The following STIM2 variants were observed in gnomAD, a reference collection of about 807,000 sequenced individuals.
STIM2 encodes stromal interaction molecule 2.
STIM2 carries 31 observed loss-of-function variants against 85.8 expected under a neutral mutation model. The observed-to-expected ratio is 0.36, with a 90% confidence interval of 0.27 to 0.49. STIM2 has a LOEUF of 0.49. Among genes scored for constraint, STIM2 ranks in the 20% least tolerant of loss-of-function variants. STIM2 has a pLI of 0.98. For synonymous variants in STIM2, 356 were observed against 331.1 expected (o/e 1.08, Z -0.82); for missense variants, 841 against 927.6 (o/e 0.91, Z 1.21).
chr4:26,979,512 C>A (rs964336378), intron 3 of STIM2, among the ~76,000 whole-genome samples: 2 of 152,170 alleles, frequency 1.3e-5, no homozygotes, highest in Non-Finnish European at 2.9e-5. Context: ...TGTCTTCATA[C>A]TGTACTAGAG....
chr4:27,017,626 C>A, intron 10 of STIM2, 85 bp from the exon 11 acceptor site: 2 of 1,501,010 alleles, frequency 1.3e-6, no homozygotes, highest in Non-Finnish European at 1.8e-6. Context: ...TTAGTGACAT[C>A]AGTTCTCTTG....
At chr4:27,021,201 G>T (rs1728899029) in intron 11 of STIM2, 1 of 711,334 alleles carries the variant, frequency 1.4e-6, no homozygotes, top group Non-Finnish European at 2.3e-6. Flanking sequence ...CTAGTGCAGA[G>T]AAGACAGAAG....
At chr4:27,011,956 T>A (rs530693608) in intron 10 of STIM2, among the ~76,000 whole-genome samples, 1 of 152,298 alleles carries the variant, frequency 6.6e-6, no homozygotes, top group East Asian at 1.9e-4. Flanking sequence ...TTAGAGTTTT[T>A]AAGTTTTTCT....
chr4:26,883,004 A>ATTTTTT (rs140871540), intron 1 of STIM2, among the ~76,000 whole-genome samples: 3 of 139,290 alleles, frequency 2.2e-5, no homozygotes, highest in Non-Finnish European at 1.5e-5. Flanking sequence ...TACCTGGCTA[A>ATTTTTT]TTTTTTTTTT....
intron 3 of STIM2, among the ~76,000 whole-genome samples, chr4:26,969,143 T>G (rs1430615506): frequency 6.6e-6 from 1 of 152,238 alleles, no homozygotes; most frequent in Admixed American, 6.5e-5. Context: ...TCTCCATTGC[T>G]GGATGGCAGT....
intron 8 of STIM2, chr4:27,008,063 T>C (rs1165103183): frequency 2.9e-6 from 2 of 699,768 alleles, no homozygotes; most frequent in Non-Finnish European, 5.3e-6. Flanking sequence ...TGAGAATAAG[T>C]CTTAATCTGA....
intron 1 of STIM2, among the ~76,000 whole-genome samples, chr4:26,910,401 G>A (rs941990832): frequency 3.9e-5 from 6 of 152,066 alleles, no homozygotes; most frequent in African/African-American, 1.4e-4. Context: ...GCGAGCGCCT[G>A]TAATTCCAGT....
intron 1 of STIM2, among the ~76,000 whole-genome samples, chr4:26,867,238 G>T (rs1006744548): frequency 7.2e-5 from 11 of 152,262 alleles, no homozygotes; most frequent in African/African-American, 2.6e-4. Flanking sequence ...TTTATAGAAT[G>T]ATTTAAATTA....
In STIM2 at chr4:27,008,033, G is replaced by A. The variant is rs1728428094; in HGVS notation, c.1149+333G>A. 4 of 715,338 alleles carry A rather than the reference G, an allele frequency of 5.6e-6. No homozygotes were observed. In the Admixed American group the frequency reaches 8.1e-5, roughly 14 times the overall value. The allele number at this position is 715,338 out of a possible 1,614,324, so 44.3% of individuals were successfully genotyped here. A position where few individuals can be genotyped will look rare whatever the true frequency, so the allele number is the denominator to read the frequency against. ...TTAGTAGTTACTGGAAATTAACTTT[G>A]ACACTTAAATTGTGTGGAATGAGAA... On this transcript the variant is annotated intron_variant, in intron 8 of 11. Coordinates refer to ENST00000467087, the MANE Select transcript of STIM2 (RefSeq NM_020860.4).
Position 26,861,380 on chromosome 4 carries a change from G to A in STIM2, c.151+11G>A. 2 of 1,286,448 alleles carry A rather than the reference G, an allele frequency of 1.6e-6. No individual in the cohort carries two copies. Among genetic ancestry groups the A allele is most frequent in the Non-Finnish European group, 2.0e-6 (2 of 1,020,962 alleles). The allele number at this position is 1,286,448 out of a possible 1,614,324, so 79.7% of individuals were successfully genotyped here. Reference sequence around the variant, plus strand: ...CGGCGCTCATGACAGGTGAGGGGCCGGGGGGCGGCGGGCGGGGCTCGGCCG... The same window carrying A: ...CGGCGCTCATGACAGGTGAGGGGCCAGGGGGCGGCGGGCGGGGCTCGGCCG... On this transcript the variant is annotated intron_variant, in intron 1 of 11. Transcript: ENST00000467087.
chr4:27,019,407 A>T (rs1377759561), intron 11 of STIM2: 29 of 1,289,384 alleles, frequency 2.2e-5, no homozygotes, highest in Non-Finnish European at 2.9e-5. Flanking sequence ...CAGTATGATC[A>T]TAGTCACCAG....
At chr4:27,019,626 TCTC>T (rs1228235412) in intron 11 of STIM2, 6 of 480,470 alleles carry the variant, frequency 1.2e-5, no homozygotes, top group Admixed American at 3.1e-5. Context: ...ATTTTCAGTC[TCTC>T]CTCTATTGAA....
At chr4:26,923,239 C>A (rs1157798992) in intron 2 of STIM2, among the ~76,000 whole-genome samples, 5 of 151,416 alleles carry the variant, frequency 3.3e-5, no homozygotes, top group Non-Finnish European at 7.4e-5. Flanking sequence ...TCACCATCAT[C>A]AAAGACCAAA....
chr4:26,932,149 C>A (rs1288138274), intron 2 of STIM2, among the ~76,000 whole-genome samples: 2 of 152,134 alleles, frequency 1.3e-5, no homozygotes, highest in African/African-American at 4.8e-5. Context: ...AGGCAATATG[C>A]CCATAGTTAC....
At chr4:26,967,816 C>G (rs1414766515) in intron 3 of STIM2, among the ~76,000 whole-genome samples, 1 of 152,086 alleles carries the variant, frequency 6.6e-6, no homozygotes, top group Admixed American at 6.6e-5. Context: ...CTTTCCTCTT[C>G]CCCCTCCCCC....
chr4:26,960,503 A>G (rs1726410411), intron 3 of STIM2, among the ~76,000 whole-genome samples: 1 of 152,204 alleles, frequency 6.6e-6, no homozygotes, highest in Non-Finnish European at 1.5e-5. Flanking sequence ...TGTATTCAGT[A>G]GTAAATATTC....
intron 1 of STIM2, among the ~76,000 whole-genome samples, chr4:26,891,864 T>A (rs933379813): frequency 3.9e-5 from 6 of 152,210 alleles, no homozygotes; most frequent in African/African-American, 1.4e-4. Flanking sequence ...TCAGGTGATG[T>A]GGGTTGGCTC....
intron 2 of STIM2, among the ~76,000 whole-genome samples, chr4:26,931,153 C>A (rs1213640325): frequency 6.6e-6 from 1 of 152,082 alleles, no homozygotes; most frequent in Non-Finnish European, 1.5e-5. Flanking sequence ...GTTCCCTCAG[C>A]CCACTGTTTC....
intron 2 of STIM2, among the ~76,000 whole-genome samples, chr4:26,944,063 G>A (rs1725721352): frequency 1.3e-5 from 2 of 151,972 alleles, no homozygotes. Context: ...TGGTTAGGTT[G>A]AATTGTTTTA....
Sources: gnomAD v4.1 joint callset for allele counts (sites outside exome capture counted in the v4.1 genomes callset) on GRCh38, gnomAD v4.1.1 for gene constraint, MANE v1.5 for transcripts, NCBI Gene and HGNC (gene_info 2026-07-23, HGNC 2026-07-21) for gene names.